RORB: variants seen among roughly 807,000 people sequenced by gnomAD.
RORB encodes RAR related orphan receptor B.
In RORB, 6 loss-of-function variants were observed where a neutral mutation model predicts 59.1. The ratio of observed to expected loss-of-function variants is 0.10; its 90% CI spans 0.06 to 0.20. The LOEUF (loss-of-function observed/expected upper bound fraction) is 0.20. Among genes scored for constraint, RORB ranks in the 10% least tolerant of loss-of-function variants. The probability of loss-of-function intolerance (pLI) is 1.00; values close to 1 mark genes in which losing one functional copy is unlikely to be tolerated. For missense variants in RORB, 320 were observed against 560.5 expected (o/e 0.57, Z 4.33); for synonymous variants, 215 against 204.5 (o/e 1.05, Z -0.44).
chr9:74,667,968 C>G (rs1250762496), intron 8 of RORB, 67 bp downstream of exon 8: 12 of 909,648 alleles, frequency 1.3e-5, no homozygotes, highest in Non-Finnish European at 2.0e-5. Context: ...ACTGATGACA[C>G]CTGCCTAAGC....
intron 1 of RORB, among the ~76,000 whole-genome samples, chr9:74,553,850 C>A (rs937757819): frequency 1.3e-5 from 2 of 152,104 alleles, no homozygotes; most frequent in African/African-American, 4.8e-5. Context: ...TTTCTTGACC[C>A]AGGCGTAAAC....
chr9:74,683,473 A>G (rs906206139), intron 9 of RORB, among the ~76,000 whole-genome samples: 2 of 152,150 alleles, frequency 1.3e-5, no homozygotes, highest in African/African-American at 4.8e-5. Context: ...CTCTCAGAGA[A>G]CATAACGTGA....
Position 74,497,915 on chromosome 9 carries a change from C to A in RORB, c.-62C>A, listed in dbSNP as rs1418321184. On this transcript the variant is annotated 5_prime_UTR_variant, in exon 1 of 10. Coordinates refer to ENST00000376896, the MANE Select transcript of RORB (RefSeq NM_006914.4). ...ACTCGTGCTGAGCGGGATTTTTGGG[C>A]TCTCCGGGGTTCGGGCTGGGAGCAG... The A allele has an allele frequency of 5.0e-6, 8 of 1,597,420 alleles. No individual in the cohort carries two copies. The East Asian group carries it at 6.8e-5, about 13-fold the overall frequency.
At chr9:74,603,865 A>C (rs1409778243) in intron 1 of RORB, among the ~76,000 whole-genome samples, 1 of 152,206 alleles carries the variant, frequency 6.6e-6, no homozygotes, top group East Asian at 1.9e-4. Context: ...TGGGTGGGCT[A>C]AGCGGACTGT....
Position 74,585,880 on chromosome 9 carries a change from C to T in RORB, c.8-44402C>T, listed in dbSNP as rs1028647434. Among the ~76,000 whole-genome samples the T allele has an allele frequency of 5.9e-5, 9 of 151,702 alleles. 1 individual carries two copies. Among genetic ancestry groups the T allele is most frequent in the African/African-American group, 1.7e-4 (7 of 41,314 alleles). On this transcript the variant is annotated intron_variant, in intron 1 of 9. Transcript: ENST00000376896. ...AGCGATCTCGGCTCACTGCAAGCTCCGCCTCCCGGGTTCACGCCATTCTCC... is the reference window on the plus strand; with the variant it reads ...AGCGATCTCGGCTCACTGCAAGCTCTGCCTCCCGGGTTCACGCCATTCTCC...
intron 1 of RORB, among the ~76,000 whole-genome samples, chr9:74,585,616 A>G (rs1008967846): frequency 6.6e-6 from 1 of 152,168 alleles, no homozygotes; most frequent in African/African-American, 2.4e-5. Flanking sequence ...CCATTAGATT[A>G]TGAAGAACAG....
At chr9:74,553,799 A>T (rs987469133) in intron 1 of RORB, among the ~76,000 whole-genome samples, 2 of 152,186 alleles carry the variant, frequency 1.3e-5, no homozygotes, top group Admixed American at 6.5e-5. Flanking sequence ...ATGATTTCCT[A>T]CAAAAACCAG....
At chr9:74,604,643 A>G (rs1306613929) in intron 1 of RORB, among the ~76,000 whole-genome samples, 1 of 152,206 alleles carries the variant, frequency 6.6e-6, no homozygotes, top group Non-Finnish European at 1.5e-5. Context: ...ATTTGTTAGT[A>G]AGTGTAGTGG....
chr9:74,606,329 C>G (rs758699496), intron 1 of RORB, among the ~76,000 whole-genome samples: 4 of 152,316 alleles, frequency 2.6e-5, no homozygotes, highest in Non-Finnish European at 5.9e-5. Flanking sequence ...CTCCTGTTTT[C>G]ACTTCTGAGT....
chr9:74,660,839 G>A (rs1268368512), intron 5 of RORB, 101 bp downstream of exon 5: 2 of 1,240,704 alleles, frequency 1.6e-6, no homozygotes, highest in South Asian at 1.6e-5. Flanking sequence ...ATTCTTTTCT[G>A]TAAGGGCATC....
intron 1 of RORB, among the ~76,000 whole-genome samples, chr9:74,592,810 A>ATCTCTC (rs147135870): frequency 6.7e-6 from 1 of 148,258 alleles, no homozygotes; most frequent in African/African-American, 2.5e-5. Flanking sequence ...CTCTCTTTCA[A>ATCTCTC]TCTCTCTCTC....
chr9:74,543,696 T>C (rs188988165), intron 1 of RORB, among the ~76,000 whole-genome samples: 1 of 152,246 alleles, frequency 6.6e-6, no homozygotes, highest in East Asian at 1.9e-4. Flanking sequence ...TGAAAACAAA[T>C]TGAGTCAGTA....
intron 1 of RORB, among the ~76,000 whole-genome samples, chr9:74,525,368 C>T (rs1826142594): frequency 6.6e-6 from 1 of 151,840 alleles, no homozygotes; most frequent in Non-Finnish European, 1.5e-5. Flanking sequence ...TTCCCAAGAT[C>T]CTTTTTTAGA....
Position 74,539,003 on chromosome 9 carries a change from C to G in RORB, c.7+41020C>G, listed in dbSNP as rs557158098. On this transcript the variant is annotated intron_variant, in intron 1 of 9. Transcript: ENST00000376896. ...AATGCTCTTGCTAATGAATTCTACA[C>G]TAATTAAATACAAAAACAAAAATCT... 6.8e-4 allele frequency among the ~76,000 whole-genome samples: 104 copies of G among 152,140 alleles called. No homozygotes were observed. The South Asian group carries it at 8.7e-3, about 13-fold the overall frequency.
At chr9:74,554,125 T>C (rs554800552) in intron 1 of RORB, among the ~76,000 whole-genome samples, 5 of 152,286 alleles carry the variant, frequency 3.3e-5, no homozygotes, top group African/African-American at 1.2e-4. Context: ...AGTCCACACT[T>C]AAGTTTGACA....
chr9:74,511,401 C>G (rs955632146), intron 1 of RORB, among the ~76,000 whole-genome samples: 1 of 152,014 alleles, frequency 6.6e-6, no homozygotes, highest in African/African-American at 2.4e-5. Flanking sequence ...GAAATCACCC[C>G]TTGATATTAA....
At chr9:74,535,070 A>G (rs2118112497) in intron 1 of RORB, among the ~76,000 whole-genome samples, 1 of 152,214 alleles carries the variant, frequency 6.6e-6, no homozygotes, top group South Asian at 2.1e-4. Context: ...AAGACTGGCA[A>G]TTTGGAGCCC....
chr9:74,592,890 C>G (rs1048295719), intron 1 of RORB, among the ~76,000 whole-genome samples: 1 of 151,928 alleles, frequency 6.6e-6, no homozygotes, highest in African/African-American at 2.4e-5. Flanking sequence ...CACACACGCA[C>G]TATTCAGGGG....
chr9:74,655,719 T>A (rs1034726236), intron 4 of RORB, among the ~76,000 whole-genome samples: 1 of 152,180 alleles, frequency 6.6e-6, no homozygotes, highest in African/African-American at 2.4e-5. Flanking sequence ...TTTTCACAAC[T>A]GCAGACTCTC....
Sources: gnomAD v4.1 joint callset for allele counts (sites outside exome capture counted in the v4.1 genomes callset) on GRCh38, gnomAD v4.1.1 for gene constraint, MANE v1.5 for transcripts, NCBI Gene and HGNC (gene_info 2026-07-23, HGNC 2026-07-21) for gene names.